The following SPAG16 variants were observed in gnomAD, a reference collection of about 807,000 sequenced individuals.
The protein encoded by SPAG16 is sperm-associated antigen 16 protein.
SPAG16 carries 86 observed loss-of-function variants against 80.4 expected under a neutral mutation model. The observed-to-expected ratio is 1.07, with a 90% CI of 0.90 to 1.28. The LOEUF (loss-of-function observed/expected upper bound fraction) is 1.28, where lower values mean the gene tolerates loss of function less well. SPAG16 is among the 50% of genes most tolerant of loss of function. The pLI, the probability that SPAG16 is intolerant of heterozygous loss-of-function variation, is 0.00. For missense variants in SPAG16, 870 were observed against 765.3 expected, an observed-to-expected ratio of 1.14 and a Z score of -1.61; for synonymous variants, 294 against 265.9, an observed-to-expected ratio of 1.11 and a Z score of -1.03.
intron 10 of SPAG16, among the ~76,000 whole-genome samples, chr2:213,548,163 A>C (rs900290542): frequency 7.2e-5 from 11 of 152,128 alleles, no homozygotes; most frequent in African/African-American, 2.7e-4. Flanking sequence ...TCATTTTTAC[A>C]TTTTTAATTA....
chr2:214,120,205 A>G (rs999942536), intron 14 of SPAG16, among the ~76,000 whole-genome samples: 2 of 151,236 alleles, frequency 1.3e-5, no homozygotes. Context: ...TTCTTTTTAT[A>G]TTTCCTGTGC....
intron 10 of SPAG16, among the ~76,000 whole-genome samples, chr2:213,714,894 AC>A (rs967619143): frequency 6.6e-6 from 1 of 152,114 alleles, no homozygotes; most frequent in Non-Finnish European, 1.5e-5. Context: ...CGGGAACCCA[AC>A]CCCCACTAAG....
At chr2:213,920,251 G>A (rs1240911841) in intron 11 of SPAG16, among the ~76,000 whole-genome samples, 1 of 152,142 alleles carries the variant, frequency 6.6e-6, no homozygotes, top group Non-Finnish European at 1.5e-5. Context: ...GCCACTCTGT[G>A]CCTTTTAATT....
At chr2:214,365,604 C>CA (rs951881525) in intron 15 of SPAG16, among the ~76,000 whole-genome samples, 26 of 152,108 alleles carry the variant, frequency 1.7e-4, no homozygotes, top group Admixed American at 1.2e-3. Flanking sequence ...CTTGTTTCCC[C>CA]AAATTGATTA....
chr2:214,380,511 CTTTTAT>C (rs1006220600), intron 15 of SPAG16, among the ~76,000 whole-genome samples: 8 of 152,038 alleles, frequency 5.3e-5, no homozygotes, highest in African/African-American at 1.7e-4. Flanking sequence ...ACCCAAAGTT[CTTTTAT>C]TTTATTTTTT....
At chr2:213,753,448 C>T (rs946926601) in intron 10 of SPAG16, among the ~76,000 whole-genome samples, 2 of 152,220 alleles carry the variant, frequency 1.3e-5, no homozygotes, top group African/African-American at 4.8e-5. Context: ...AGATATTTCT[C>T]AGGCCAGGCC....
chr2:213,543,638 T>A (rs1190869947), intron 10 of SPAG16, among the ~76,000 whole-genome samples: 1 of 152,032 alleles, frequency 6.6e-6, no homozygotes, highest in Non-Finnish European at 1.5e-5. Context: ...TTCCGAGATC[T>A]CTATCCTGTT....
chr2:213,654,709 T>C (rs1282730484), intron 10 of SPAG16, among the ~76,000 whole-genome samples: 3 of 145,898 alleles, frequency 2.1e-5, no homozygotes, highest in Non-Finnish European at 4.5e-5. Flanking sequence ...AGAGTGAGAC[T>C]CCATCTCAAA....
At chr2:213,735,748 TAGG>T (rs907755868) in intron 10 of SPAG16, among the ~76,000 whole-genome samples, 2 of 152,206 alleles carry the variant, frequency 1.3e-5, no homozygotes, top group Admixed American at 1.3e-4. Context: ...TTAGGAAAGA[TAGG>T]AGATGAATTT....
chr2:214,263,303 G>A (rs965421), intron 15 of SPAG16, among the ~76,000 whole-genome samples: 95,439 of 151,888 alleles, frequency 0.63, 30,175 homozygotes, highest in South Asian at 0.7. Context: ...TGTCCTCTCC[G>A]GTGAATTCTT....
chr2:214,046,481 A>G (rs2049332431), intron 13 of SPAG16, among the ~76,000 whole-genome samples: 1 of 152,232 alleles, frequency 6.6e-6, no homozygotes, highest in East Asian at 1.9e-4. Context: ...ATTAAACAAT[A>G]CCTTAAAAAG....
intron 15 of SPAG16, among the ~76,000 whole-genome samples, chr2:214,334,782 C>T (rs573539547): frequency 6.6e-6 from 1 of 152,314 alleles, no homozygotes; most frequent in African/African-American, 2.4e-5. Context: ...CCACTGATAA[C>T]ATTTTAACAA....
At chr2:213,484,607 C>A (rs1187596907) in intron 9 of SPAG16, among the ~76,000 whole-genome samples, 2 of 152,150 alleles carry the variant, frequency 1.3e-5, no homozygotes, top group African/African-American at 4.8e-5. Context: ...TATAAAATCT[C>A]TTTTAATACG....
At chr2:213,737,331 T>C (rs1240121843) in intron 10 of SPAG16, among the ~76,000 whole-genome samples, 1 of 152,118 alleles carries the variant, frequency 6.6e-6, no homozygotes, top group African/African-American at 2.4e-5. Flanking sequence ...TACTATACTC[T>C]TTATATTTTT....
chr2:213,556,662 A>G (rs76080053), intron 10 of SPAG16, among the ~76,000 whole-genome samples: 1 of 152,270 alleles, frequency 6.6e-6, no homozygotes, highest in East Asian at 1.9e-4. Context: ...TCAATATCCA[A>G]CTTTCAACAA....
At position 214,297,567 on chromosome 2, in the gene SPAG16, G is replaced by A. The variant is rs148633423; in HGVS notation, c.1721-112573G>A. Among the ~76,000 whole-genome samples the A allele has an allele frequency of 1.8e-3, 269 of 152,040 alleles. 1 individual carries two copies. The highest frequency in any genetic ancestry group is 3.1e-3 in the Non-Finnish European group (213 of 67,944). On this transcript the variant is annotated intron_variant, in intron 15 of 15. Coordinates refer to ENST00000331683, the MANE Select transcript of SPAG16 (RefSeq NM_024532.5). ...GCCTGTTTTCCAGTGCCATTTATTG[G>A]ATGATATTGTTTATTATCATTGTTT...
chr2:213,853,184 A>C (rs1167734363), intron 10 of SPAG16, among the ~76,000 whole-genome samples: 2 of 152,234 alleles, frequency 1.3e-5, no homozygotes, highest in East Asian at 3.8e-4. Context: ...GAATAACCTA[A>C]AGGGAAGACA....
chr2:213,330,557 G>A (rs1464415609), intron 5 of SPAG16, among the ~76,000 whole-genome samples: 1 of 152,226 alleles, frequency 6.6e-6, no homozygotes, highest in Admixed American at 6.5e-5. Context: ...TATCTAGGAA[G>A]TAACTAACTT....
intron 10 of SPAG16, among the ~76,000 whole-genome samples, chr2:213,791,371 T>G (rs1033107639): frequency 2.0e-5 from 3 of 152,018 alleles, no homozygotes; most frequent in Non-Finnish European, 4.4e-5. Context: ...GGAAAGCAAA[T>G]AATGTCACTT....
Sources: allele counts gnomAD v4.1 joint callset (sites outside exome capture counted in the v4.1 genomes callset), GRCh38; gene constraint gnomAD v4.1.1; transcripts MANE v1.5; gene names NCBI Gene and HGNC (gene_info 2026-07-23, HGNC 2026-07-21).